The following PTPRQ variants were observed in gnomAD, a reference collection of about 807,000 sequenced individuals.
The protein encoded by PTPRQ is protein tyrosine phosphatase receptor type Q, also known as phosphatidylinositol phosphatase PTPRQ.
In PTPRQ, 199 loss-of-function variants were observed where a neutral mutation model predicts 246.0. The observed-to-expected ratio is 0.81, with a 90% CI of 0.72 to 0.91. The LOEUF (loss-of-function observed/expected upper bound fraction) is 0.91. Ranked by LOEUF, PTPRQ falls within the 40% of genes least tolerant of loss-of-function variation. The pLI is 0.00. For missense variants in PTPRQ, 2,624 were observed against 2,528.4 expected (o/e 1.04, Z -0.81); for synonymous variants, 869 against 853.2 (o/e 1.02, Z -0.32).
At chr12:80,559,235 A>G (rs963212406) in intron 25 of PTPRQ, among the ~76,000 whole-genome samples, 2 of 152,010 alleles carry the variant, frequency 1.3e-5, no homozygotes, top group African/African-American at 4.8e-5. Flanking sequence ...TAGTAGAGGC[A>G]GAGCTTCGCA....
intron 25 of PTPRQ, among the ~76,000 whole-genome samples, chr12:80,581,338 A>G (rs1402285112): frequency 6.6e-6 from 1 of 152,194 alleles, no homozygotes; most frequent in African/African-American, 2.4e-5. Flanking sequence ...ACAAAAGTCA[A>G]TATAAAAATT....
At chr12:80,527,144 G>T (rs17006875) in intron 17 of PTPRQ, among the ~76,000 whole-genome samples, 5 of 151,708 alleles carry the variant, frequency 3.3e-5, no homozygotes, top group African/African-American at 1.2e-4. Context: ...TTGACTAAAT[G>T]TGTTAAAAGA....
intron 31 of PTPRQ, 133 bp from the exon 32 acceptor site, chr12:80,620,021 T>C: frequency 8.7e-7 from 1 of 1,144,974 alleles, no homozygotes; most frequent in Middle Eastern, 3.1e-4. Context: ...TACAGGTGGA[T>C]CACTTGAATT....
chr12:80,490,652 A>G (rs1894417054), intron 9 of PTPRQ, among the ~76,000 whole-genome samples: 1 of 151,946 alleles, frequency 6.6e-6, no homozygotes, highest in Non-Finnish European at 1.5e-5. Flanking sequence ...ACATCCTACA[A>G]TGTACAGGAC....
chr12:80,480,234 C>A (rs1276102729), intron 8 of PTPRQ, among the ~76,000 whole-genome samples: 1 of 152,148 alleles, frequency 6.6e-6, no homozygotes, highest in Non-Finnish European at 1.5e-5. Flanking sequence ...CAAAACTGCT[C>A]AACTTCATGG....
intron 6 of PTPRQ, among the ~76,000 whole-genome samples, chr12:80,463,431 G>A (rs1893275148): frequency 1.3e-5 from 2 of 152,172 alleles, no homozygotes; most frequent in Non-Finnish European, 2.9e-5. Context: ...GAATCAAGTT[G>A]GAAAACACTC....
chr12:80,660,481 C>T (rs1900591866), intron 39 of PTPRQ, among the ~76,000 whole-genome samples: 1 of 151,990 alleles, frequency 6.6e-6, no homozygotes, highest in South Asian at 2.1e-4. Flanking sequence ...ATTGCAGCCC[C>T]ATAATCTGCC....
At chr12:80,465,813 T>C (rs1328741256) in intron 6 of PTPRQ, among the ~76,000 whole-genome samples, 3 of 152,264 alleles carry the variant, frequency 2.0e-5, no homozygotes, top group East Asian at 1.9e-4. Context: ...CAACCCTCCA[T>C]GCTAAAAACC....
intron 26 of PTPRQ, among the ~76,000 whole-genome samples, chr12:80,590,764 C>A (rs1897773371): frequency 1.3e-5 from 2 of 151,480 alleles, no homozygotes; most frequent in Non-Finnish European, 2.9e-5. Context: ...CCCTATATGA[C>A]CTGGCTTTTA....
intron 7 of PTPRQ, 27 bp from the exon 8 acceptor site, chr12:80,472,078 T>C (rs760423207): frequency 3.9e-6 from 6 of 1,550,412 alleles, no homozygotes; most frequent in Non-Finnish European, 5.2e-6. Context: ...TAAAAAATAA[T>C]CCATAGCTAT....
chr12:80,587,573 AG>A (rs1270289957), intron 25 of PTPRQ, among the ~76,000 whole-genome samples: 1 of 152,214 alleles, frequency 6.6e-6, no homozygotes, highest in African/African-American at 2.4e-5. Context: ...AATGACTCCA[AG>A]CAGGACTACA....
chr12:80,585,742 T>A (rs969383573), intron 25 of PTPRQ, among the ~76,000 whole-genome samples: 2 of 151,820 alleles, frequency 1.3e-5, no homozygotes, highest in African/African-American at 4.8e-5. Flanking sequence ...TTTTTTTTTT[T>A]ATTATTATAC....
intron 34 of PTPRQ, among the ~76,000 whole-genome samples, chr12:80,632,525 CAT>C (rs1899478600): frequency 1.3e-5 from 2 of 152,160 alleles, no homozygotes; most frequent in East Asian, 3.9e-4. Flanking sequence ...GAACAGAAAA[CAT>C]TTAATGTAAA....
At chr12:80,542,708 T>G (rs188924019) in intron 22 of PTPRQ, 22 bp from the exon 23 acceptor site, 1 of 1,523,274 alleles carries the variant, frequency 6.6e-7, no homozygotes, top group East Asian at 2.5e-5. Context: ...GAATGTAAGT[T>G]TCTTCATGTG....
At position 80,588,448 on chromosome 12, in the gene PTPRQ, T is replaced by A; in HGVS notation, c.4605T>A (p.Pro1535=). 1 of 1,478,710 alleles carries A rather than the reference T, an allele frequency of 6.8e-7. No individual in the cohort carries two copies. Among genetic ancestry groups the A allele is most frequent in the Non-Finnish European group, 9.0e-7 (1 of 1,113,682 alleles). 91.6% of individuals were successfully genotyped at this position (1,478,710 alleles called of 1,614,324 possible). ...ACTGGATTTCTACAAAAACTCTGCCTGGCCGTGAGTATTGTCCTGACATGT... is the reference window on the plus strand; with the variant it reads ...ACTGGATTTCTACAAAAACTCTGCCAGGCCGTGAGTATTGTCCTGACATGT... ...ASNWISTKTL[P]GPPDGPPENV... is the part of the protein sequence containing the mutation. Residue 1535 remains proline, a synonymous_variant, in exon 26 of 45, where the codon CCT becomes CCA. Transcript: ENST00000644991.
chr12:80,618,362 AC>A (rs1898847333), intron 30 of PTPRQ, among the ~76,000 whole-genome samples: 1 of 74,458 alleles, frequency 1.3e-5, no homozygotes, highest in Admixed American at 1.2e-4. Context: ...CACTACATTC[AC>A]ACACACACAC....
intron 24 of PTPRQ, among the ~76,000 whole-genome samples, chr12:80,547,754 G>T (rs1238464431): frequency 2.6e-5 from 4 of 152,086 alleles, no homozygotes; most frequent in African/African-American, 4.8e-5. Context: ...TAATGTTGTT[G>T]TCAAAAATAT....
chr12:80,473,048 C>CGCGT (rs1893697723), intron 8 of PTPRQ, among the ~76,000 whole-genome samples: 3 of 22,004 alleles, frequency 1.4e-4, no homozygotes, highest in African/African-American at 2.7e-4. Flanking sequence ...CACACACACG[C>CGCGT]ACACACACAC....
At chr12:80,606,795 C>T (rs1306738440) in intron 27 of PTPRQ, among the ~76,000 whole-genome samples, 1 of 150,824 alleles carries the variant, frequency 6.6e-6, no homozygotes, top group African/African-American at 2.4e-5. Context: ...TTTTGTAGAG[C>T]ATATTTGTGA....
Sources: gnomAD v4.1 joint callset for allele counts (sites outside exome capture counted in the v4.1 genomes callset) on GRCh38, gnomAD v4.1.1 for gene constraint, MANE v1.5 for transcripts, NCBI Gene and HGNC (gene_info 2026-07-23, HGNC 2026-07-21) for gene names.